The following APTX variants were observed in gnomAD, a reference collection of about 807,000 sequenced individuals.
The protein encoded by APTX is forkhead-associated domain histidine triad-like protein.
In APTX, 33 loss-of-function variants were observed where a neutral mutation model predicts 42.3. The ratio of observed to expected loss-of-function variants is 0.78; its 90% confidence interval spans 0.59 to 1.04. The LOEUF (loss-of-function observed/expected upper bound fraction) is 1.04. APTX is among the 50% of genes least tolerant of loss of function. APTX has a pLI of 0.00. For missense variants in APTX, 421 were observed against 415.1 expected (o/e 1.01, Z -0.12); for synonymous variants, 130 against 146.7 (o/e 0.89, Z 0.82).
chr9:33,022,651 A>T (rs1298971412), intron 1 of APTX, among the ~76,000 whole-genome samples: 4 of 152,224 alleles, frequency 2.6e-5, no homozygotes, highest in African/African-American at 7.2e-5. Flanking sequence ...GTGCCTACAT[A>T]CTACGCCATT....
chr9:33,016,129 G>C (rs1299911986), intron 1 of APTX: 1 of 152,128 alleles, frequency 6.6e-6, no homozygotes, highest in Non-Finnish European at 1.5e-5. Flanking sequence ...AAGTCATTTT[G>C]TTCAGTCTCA....
At chr9:32,998,226 A>G (rs954708369) in intron 1 of APTX, among the ~76,000 whole-genome samples, 2 of 152,194 alleles carry the variant, frequency 1.3e-5, no homozygotes, top group African/African-American at 4.8e-5. Flanking sequence ...CTAAGCTGAC[A>G]ATTTCAATTT....
chr9:33,015,831 T>C (rs1399295746), intron 1 of APTX: 5 of 152,200 alleles, frequency 3.3e-5, no homozygotes. Context: ...ATCAAAGCTA[T>C]TTCCATGAGA....
At chr9:33,019,554 CCCCTG>C (rs1241938286) in intron 1 of APTX, 13 of 342,024 alleles carry the variant, frequency 3.8e-5, no homozygotes, top group Middle Eastern at 1.6e-3. Flanking sequence ...AAACAAGGGA[CCCCTG>C]AGCACACAAA....
rs1411357238 is a variant in APTX at position 32,974,370 on chromosome 9, C to CA, written c.874+87dup. On this transcript the variant is annotated intron_variant, in intron 7 of 7. Coordinates refer to ENST00000379817, the MANE Select transcript of APTX (RefSeq NM_001195248.2). ...AAAGTTGTACATAGGTTTTTGAGGT[C>CA]AGACTGTTATTCAGGGAAACAACCA... 2.4e-5 allele frequency: 21 copies of CA among 883,566 alleles called. No individual in the cohort carries two copies. In the East Asian group the frequency reaches 5.2e-4, roughly 22 times the overall value. The allele number at this position is 883,566 out of a possible 1,614,324, so 54.7% of individuals were successfully genotyped here. A position where few individuals can be genotyped will look rare whatever the true frequency, so the allele number is the denominator to read the frequency against.
intron 1 of APTX, among the ~76,000 whole-genome samples, chr9:33,021,064 G>C (rs1171597970): frequency 1.3e-5 from 2 of 151,908 alleles, no homozygotes; most frequent in African/African-American, 4.8e-5. Context: ...GGGAGGCGGA[G>C]GCTGCAGTGA....
chr9:32,974,230 C>A (rs941633374), intron 7 of APTX, among the ~76,000 whole-genome samples: 5 of 152,092 alleles, frequency 3.3e-5, no homozygotes, highest in Non-Finnish European at 7.3e-5. Flanking sequence ...AAACACTGAC[C>A]CTGACATAAT....
chr9:32,976,329 G>A (rs1286231023), intron 6 of APTX, among the ~76,000 whole-genome samples: 1 of 152,058 alleles, frequency 6.6e-6, no homozygotes, highest in East Asian at 1.9e-4. Flanking sequence ...GTATACCTAT[G>A]TATCAAACCT....
intron 1 of APTX, among the ~76,000 whole-genome samples, chr9:33,018,060 G>A (rs1394073761): frequency 1.3e-5 from 2 of 150,586 alleles, no homozygotes; most frequent in Non-Finnish European, 3.0e-5. Context: ...AATTTCAACG[G>A]TTTTAGGACC....
chr9:32,991,755 CGA>C (rs1459269197), intron 1 of APTX, among the ~76,000 whole-genome samples: 78 of 145,806 alleles, frequency 5.3e-4, no homozygotes, highest in African/African-American at 1.9e-3. Context: ...CCAGCCTGGG[CGA>C]TAGGGCAAGG....
chr9:33,000,841 TTTTC>T (rs1203328457), intron 1 of APTX, among the ~76,000 whole-genome samples: 2 of 130,456 alleles, frequency 1.5e-5, no homozygotes, highest in Non-Finnish European at 3.3e-5. Context: ...CTTTTTTTTT[TTTTC>T]TTTTTTTTTT....
In APTX at chr9:32,977,349, G is replaced by A. The variant is rs1829662131; in HGVS notation, c.771-2788C>T. Among the ~76,000 whole-genome samples, 3 of 151,948 alleles carry A rather than the reference G, an allele frequency of 2.0e-5. 1 individual carries two copies. In the South Asian group the frequency reaches 6.2e-4, roughly 32 times the overall value. ...AAAATTGTTTTAATCAGCCAGGCATGGTGGCACACCCATAGCCCCAGCTAC... is the reference window on the plus strand; with the variant it reads ...AAAATTGTTTTAATCAGCCAGGCATAGTGGCACACCCATAGCCCCAGCTAC... On this transcript the variant is annotated intron_variant, in intron 6 of 7. Coordinates refer to ENST00000379817, the MANE Select transcript of APTX (RefSeq NM_001195248.2).
chr9:33,002,732 CT>C (rs932375490), upstream of APTX, among the ~76,000 whole-genome samples: 1 of 152,160 alleles, frequency 6.6e-6, no homozygotes, highest in Non-Finnish European at 1.5e-5. Context: ...TAAAGTCTTC[CT>C]TACCATGCTT....
upstream of APTX, among the ~76,000 whole-genome samples, chr9:33,004,921 T>C (rs1055600368): frequency 6.6e-6 from 1 of 152,020 alleles, no homozygotes; most frequent in African/African-American, 2.4e-5. Flanking sequence ...ATTACAGGTG[T>C]GAGCCACTGC....
upstream of APTX, among the ~76,000 whole-genome samples, chr9:33,002,987 A>G (rs61422083): frequency 5.3e-3 from 801 of 152,324 alleles, 8 homozygotes; most frequent in African/African-American, 0.018. Context: ...GTGGGAAAAC[A>G]CAAGCAGCAT....
chr9:33,024,786 T>C (rs1046017860), intron 1 of APTX: 1 of 147,758 alleles, frequency 6.8e-6, no homozygotes, highest in Non-Finnish European at 1.5e-5. Flanking sequence ...ATGCTATTGG[T>C]CTGGGGACTA....
At chr9:32,987,977 C>T in intron 3 of APTX, 106 bp downstream of exon 3, 3 of 1,507,118 alleles carry the variant, frequency 2.0e-6, no homozygotes, top group South Asian at 2.3e-5. Flanking sequence ...TACTCCATCA[C>T]TTCCATACAT....
chr9:32,977,853 A>G (rs972255089), intron 6 of APTX, among the ~76,000 whole-genome samples: 1 of 152,054 alleles, frequency 6.6e-6, no homozygotes, highest in Non-Finnish European at 1.5e-5. Flanking sequence ...GAAAAAAAAA[A>G]CGGAAACAGA....
upstream of APTX, among the ~76,000 whole-genome samples, chr9:33,002,625 A>T (rs2119165790): frequency 6.6e-6 from 1 of 152,304 alleles, no homozygotes; most frequent in Non-Finnish European, 1.5e-5. Context: ...ATAAATGCCC[A>T]CTTGCCCATG....
Sources: gnomAD v4.1 joint callset for allele counts (sites outside exome capture counted in the v4.1 genomes callset) on GRCh38, gnomAD v4.1.1 for gene constraint, MANE v1.5 for transcripts, NCBI Gene and HGNC (gene_info 2026-07-23, HGNC 2026-07-21) for gene names.